Variants in EEPD1 observed in about 807,000 individuals in gnomAD.
EEPD1 encodes the protein endonuclease/exonuclease/phosphatase family domain containing 1, also known as endonuclease/exonuclease/phosphatase family domain-containing protein 1.
In EEPD1, 17 loss-of-function variants were observed where a neutral mutation model predicts 46.3. The ratio of observed to expected loss-of-function variants is 0.37; its 90% CI spans 0.25 to 0.55. The LOEUF (loss-of-function observed/expected upper bound fraction) is 0.55. Ranked by LOEUF, EEPD1 falls within the 20% of genes least tolerant of loss-of-function variation. The pLI, the probability that EEPD1 is intolerant of heterozygous loss-of-function variation, is 0.83. For synonymous variants in EEPD1, 313 were observed against 315.6 expected, an observed-to-expected ratio of 0.99 and a Z score of 0.09; for missense variants, 673 against 745.6, an observed-to-expected ratio of 0.90 and a Z score of 1.13.
chr7:36,274,010 TTG>T (rs1787150184), intron 3 of EEPD1, among the ~76,000 whole-genome samples: 2 of 152,182 alleles, frequency 1.3e-5, no homozygotes, highest in Non-Finnish European at 2.9e-5. Flanking sequence ...TGTGGCAGTG[TTG>T]TGTGAGGGTT....
At chr7:36,179,162 C>A (rs149971555) in intron 2 of EEPD1, among the ~76,000 whole-genome samples, 2 of 152,178 alleles carry the variant, frequency 1.3e-5, no homozygotes, top group African/African-American at 2.4e-5. Context: ...CTTTAATCTG[C>A]GGGATTTAGT....
In EEPD1 at chr7:36,229,594, T is replaced by C. The variant is rs1786286746; in HGVS notation, c.879-9391T>C. Among the ~76,000 whole-genome samples the C allele has an allele frequency of 2.0e-5, 3 of 152,124 alleles. No individual in the cohort carries two copies. In the South Asian group the frequency reaches 6.2e-4, roughly 32 times the overall value. ...TTCTCCTCCTTCACTTCTATCCACT[T>C]CTCACCCACTGAAACCTGGCATCAT... On this transcript the variant is annotated intron_variant, in intron 2 of 7. Transcript: ENST00000242108.
chr7:36,209,789 C>G (rs1222462273), intron 2 of EEPD1, among the ~76,000 whole-genome samples: 1 of 152,062 alleles, frequency 6.6e-6, no homozygotes, highest in Non-Finnish European at 1.5e-5. Flanking sequence ...CCTGCATGAC[C>G]CAAATACAGA....
chr7:36,197,776 T>C (rs1480601037), intron 2 of EEPD1, among the ~76,000 whole-genome samples: 2 of 152,068 alleles, frequency 1.3e-5, no homozygotes, highest in African/African-American at 4.8e-5. Context: ...ACAAACACTC[T>C]GCCTAGGAAA....
chr7:36,262,230 C>G (rs1562705486), intron 3 of EEPD1, among the ~76,000 whole-genome samples: 1 of 152,118 alleles, frequency 6.6e-6, no homozygotes, highest in Non-Finnish European at 1.5e-5. Context: ...ACTCCAGCAT[C>G]TTGGGAGGGT....
chr7:36,155,652 A>C (rs1219017310), intron 2 of EEPD1, among the ~76,000 whole-genome samples: 1 of 152,230 alleles, frequency 6.6e-6, no homozygotes, highest in Non-Finnish European at 1.5e-5. Flanking sequence ...TTAAAGGCCA[A>C]GTATTTGCAA....
At chr7:36,237,105 C>T (rs1786464049) in intron 2 of EEPD1, among the ~76,000 whole-genome samples, 1 of 152,230 alleles carries the variant, frequency 6.6e-6, no homozygotes, top group South Asian at 2.1e-4. Flanking sequence ...CAACTCCACA[C>T]GCGCCGCCTT....
chr7:36,215,209 T>C (rs895157938), intron 2 of EEPD1, among the ~76,000 whole-genome samples: 3 of 152,218 alleles, frequency 2.0e-5, no homozygotes, highest in Non-Finnish European at 2.9e-5. Context: ...CACCCGCTGC[T>C]GCCCTCCCTG....
At chr7:36,213,282 TGTG>T in intron 2 of EEPD1, among the ~76,000 whole-genome samples, 1 of 152,208 alleles carries the variant, frequency 6.6e-6, no homozygotes, top group East Asian at 1.9e-4. Flanking sequence ...GCTTTTTAGA[TGTG>T]GTGGATGAAG....
chr7:36,158,325 C>T (rs985757961), intron 2 of EEPD1, among the ~76,000 whole-genome samples: 3 of 75,534 alleles, frequency 4.0e-5, no homozygotes, highest in African/African-American at 1.4e-4. Flanking sequence ...CCTCATCAGG[C>T]GCACTTGCTA....
intron 2 of EEPD1, among the ~76,000 whole-genome samples, chr7:36,234,575 G>A (rs891740253): frequency 1.3e-5 from 2 of 151,862 alleles, no homozygotes; most frequent in Admixed American, 1.3e-4. Context: ...GGAAGGCTGA[G>A]GCAGGAGAAT....
At chr7:36,212,277 G>C (rs1462735902) in intron 2 of EEPD1, among the ~76,000 whole-genome samples, 1 of 152,060 alleles carries the variant, frequency 6.6e-6, no homozygotes, top group Non-Finnish European at 1.5e-5. Flanking sequence ...TTGCTGGGGG[G>C]AGTGTAGCTA....
At chr7:36,297,638 T>A (rs1046172623) in intron 7 of EEPD1, among the ~76,000 whole-genome samples, 1 of 152,198 alleles carries the variant, frequency 6.6e-6, no homozygotes, top group Non-Finnish European at 1.5e-5. Flanking sequence ...CAAACATTTG[T>A]CAAACATGCA....
rs188178405 is a variant in EEPD1, at chr7:36,238,407, C to G, written c.879-578C>G. 7.9e-5 allele frequency among the ~76,000 whole-genome samples: 12 copies of G among 152,318 alleles called. No homozygotes were observed. In the East Asian group the frequency reaches 2.1e-3, roughly 27 times the overall value. On this transcript the variant is annotated intron_variant, in intron 2 of 7. Coordinates refer to ENST00000242108, the MANE Select transcript of EEPD1 (RefSeq NM_030636.3). ...CCAGCCCCTATTCAAGATGGAATAG[C>G]TGTGGTTCAAATGCCCCTGACAGTT...
rs1226338683 is a variant in EEPD1 at position 36,300,109 on chromosome 7, T to G, written c.*903T>G. 1 of 152,348 alleles carries G rather than the reference T, an allele frequency of 6.6e-6. No homozygotes were observed. The highest frequency in any genetic ancestry group is 6.5e-5 in the Admixed American group (1 of 15,288). 9.4% of individuals were successfully genotyped at this position (152,348 alleles called of 1,614,324 possible). On this transcript the variant is annotated 3_prime_UTR_variant, in exon 8 of 8. Coordinates refer to ENST00000242108, the MANE Select transcript of EEPD1 (RefSeq NM_030636.3). Reference sequence around the variant, plus strand: ...CCCTCCTCCCCACTCACTCCAGTTTTTAGCCCGGAGCCTCCTGTGGTTGAC... The same window carrying G: ...CCCTCCTCCCCACTCACTCCAGTTTGTAGCCCGGAGCCTCCTGTGGTTGAC...
intron 2 of EEPD1, among the ~76,000 whole-genome samples, chr7:36,180,143 T>C (rs1371636529): frequency 1.3e-5 from 2 of 152,164 alleles, no homozygotes; most frequent in African/African-American, 4.8e-5. Flanking sequence ...ATTAAGTTCA[T>C]TAATAAAGGA....
chr7:36,262,704 T>C lies in EEPD1; in HGVS notation c.931-18411T>C, dbSNP rs545209253. On this transcript the variant is annotated intron_variant, in intron 3 of 7. Transcript: ENST00000242108. Reference sequence around the variant, plus strand: ...ACTTGAGGCATTTCGCCTGTACCAGTCGAGTGTTCCTGGAGGAAGGTCATA... The same window carrying C: ...ACTTGAGGCATTTCGCCTGTACCAGCCGAGTGTTCCTGGAGGAAGGTCATA... Among the ~76,000 whole-genome samples, 23 of 152,254 alleles carry C rather than the reference T, an allele frequency of 1.5e-4. No individual in the cohort carries two copies. In the South Asian group the frequency reaches 3.3e-3, roughly 22 times the overall value.
At chr7:36,293,705 C>T (rs1164499656) in intron 6 of EEPD1, among the ~76,000 whole-genome samples, 3 of 152,096 alleles carry the variant, frequency 2.0e-5, no homozygotes, top group African/African-American at 4.8e-5. Flanking sequence ...GGCTCATGCC[C>T]GTAACCCCAG....
chr7:36,287,407 C>T (rs1562713394), intron 5 of EEPD1, among the ~76,000 whole-genome samples: 4 of 151,934 alleles, frequency 2.6e-5, no homozygotes, highest in South Asian at 2.1e-4. Flanking sequence ...GAGGAGTAGG[C>T]GGTGGGATGT....
Sources: gnomAD v4.1 joint callset for allele counts (sites outside exome capture counted in the v4.1 genomes callset) on GRCh38, gnomAD v4.1.1 for gene constraint, MANE v1.5 for transcripts, NCBI Gene and HGNC (gene_info 2026-07-23, HGNC 2026-07-21) for gene names.